The following IGF2BP1 variants were observed in gnomAD, a reference collection of about 807,000 sequenced individuals.
The protein encoded by IGF2BP1 is insulin like growth factor 2 mRNA binding protein 1, also known as insulin-like growth factor 2 mRNA-binding protein 1.
IGF2BP1 carries 11 observed loss-of-function variants against 74.9 expected under a neutral mutation model. That is an observed-to-expected ratio of 0.15 (90% CI 0.09 to 0.24). IGF2BP1 has a LOEUF of 0.24. Among genes scored for constraint, IGF2BP1 ranks in the 10% least tolerant of loss-of-function variants. The probability of loss-of-function intolerance (pLI) is 1.00; values close to 1 mark genes in which losing one functional copy is unlikely to be tolerated. For missense variants in IGF2BP1, 440 were observed against 757.4 expected (o/e 0.58, Z 4.92); for synonymous variants, 287 against 281.8 (o/e 1.02, Z -0.18).
Position 48,997,978 on chromosome 17 carries a change from C to T in IGF2BP1, c.175+58C>T. On this transcript the variant is annotated intron_variant, in intron 1 of 14. Coordinates refer to ENST00000290341, the MANE Select transcript of IGF2BP1 (RefSeq NM_006546.4). The surrounding 1 kb of genome is among the most constrained non-coding windows in gnomAD (Gnocchi z 4.8). Reference sequence around the variant, plus strand: ...AACGAGAGCCCCGAACAACGGAGACCCGCACCTTCCGGTTCCTCTCCCGCC... The same window carrying T: ...AACGAGAGCCCCGAACAACGGAGACTCGCACCTTCCGGTTCCTCTCCCGCC... 1 of 1,561,236 alleles carries T rather than the reference C, an allele frequency of 6.4e-7. No individual in the cohort carries two copies. Among genetic ancestry groups the T allele is most frequent in the Non-Finnish European group, 8.7e-7 (1 of 1,147,638 alleles).
intron 9 of IGF2BP1, 116 bp from the exon 10 acceptor site, chr17:49,043,311 GT>G: frequency 8.8e-7 from 1 of 1,142,162 alleles, no homozygotes; most frequent in Non-Finnish European, 1.3e-6. Flanking sequence ...GGAAAAGTAT[GT>G]AATTCATGTT....
Position 49,038,258 on chromosome 17 carries a change from G to A in IGF2BP1, c.492G>A (p.Glu164=), listed in dbSNP as rs1269645123. 7.5e-6 allele frequency: 12 copies of A among 1,599,252 alleles called. No individual in the cohort carries two copies. Among genetic ancestry groups the A allele is most frequent in the Non-Finnish European group, 8.5e-6 (10 of 1,172,290 alleles). The change falls in exon 6 of 15, where the codon GAG becomes GAA. Residue 164 remains glutamate (E), a synonymous_variant. Transcript: ENST00000290341. The part of the protein sequence containing the change: ...IPDEQIAQGP[E]NGRRGGFGSR... Reference sequence around the variant, plus strand: ...ATGAGCAGATAGCACAGGGACCTGAGAATGGGCGCCGAGGGGGCTTTGGCT... The same window carrying A: ...ATGAGCAGATAGCACAGGGACCTGAAAATGGGCGCCGAGGGGGCTTTGGCT...
At chr17:49,023,803 A>G (rs1458534711) in intron 2 of IGF2BP1, among the ~76,000 whole-genome samples, 1 of 152,204 alleles carries the variant, frequency 6.6e-6, no homozygotes, top group Non-Finnish European at 1.5e-5. Flanking sequence ...GCAATTGGCC[A>G]ATGCATCAAG....
Position 48,997,977 on chromosome 17 carries a change from C to A in IGF2BP1, c.175+57C>A. On this transcript the variant is annotated intron_variant, in intron 1 of 14. Coordinates refer to ENST00000290341, the MANE Select transcript of IGF2BP1 (RefSeq NM_006546.4). This position sits in a 1 kb window ranked among gnomAD's most constrained non-coding sequence, Gnocchi z 4.8. ...CAACGAGAGCCCCGAACAACGGAGACCCGCACCTTCCGGTTCCTCTCCCGC... is the reference window on the plus strand; with the variant it reads ...CAACGAGAGCCCCGAACAACGGAGAACCGCACCTTCCGGTTCCTCTCCCGC... 1 of 1,563,024 alleles carries A rather than the reference C, an allele frequency of 6.4e-7. No homozygotes were observed. The highest frequency in any genetic ancestry group is 8.7e-7 in the Non-Finnish European group (1 of 1,148,714).
chr17:49,004,424 A>G (rs1330298177), intron 2 of IGF2BP1, among the ~76,000 whole-genome samples: 1 of 152,232 alleles, frequency 6.6e-6, no homozygotes, highest in East Asian at 1.9e-4. Context: ...GAAGAGAGGA[A>G]GAGTAGGTAA....
Position 49,011,904 on chromosome 17 carries a change from A to ATTTT in IGF2BP1, c.236+12751_236+12754dup, listed in dbSNP as rs68074534. 1.4e-3 allele frequency among the ~76,000 whole-genome samples: 171 copies of ATTTT among 124,616 alleles called. 1 individual carries two copies. In the Middle Eastern group the frequency reaches 0.018, roughly 13 times the overall value. The allele number at this position is 124,616 out of a possible 152,430, so 81.8% of individuals were successfully genotyped here. The stretch of plus-strand genomic sequence containing the variant: ...TATCTTGAGTGGTTGAAGAAAATTG[A>ATTTT]TTTTTTTTTTTTTTTTTTTGGGAGA... On this transcript the variant is annotated intron_variant, in intron 2 of 14. Transcript: ENST00000290341.
chr17:49,022,701 T>C (rs1158031164), intron 2 of IGF2BP1, among the ~76,000 whole-genome samples: 1 of 152,170 alleles, frequency 6.6e-6, no homozygotes, highest in Non-Finnish European at 1.5e-5. Flanking sequence ...GAGATTTGAT[T>C]TCACCACTGC....
intron 6 of IGF2BP1, 112 bp downstream of exon 6, chr17:49,038,561 T>G: frequency 1.7e-6 from 2 of 1,162,984 alleles, no homozygotes; most frequent in South Asian, 4.8e-5. Context: ...TTTTAGGAAA[T>G]GTTGCCTGGA....
intron 3 of IGF2BP1, among the ~76,000 whole-genome samples, 196 bp downstream of exon 3, chr17:49,025,862 T>G (rs983450644): frequency 8.3e-5 from 7 of 84,614 alleles, no homozygotes; most frequent in African/African-American, 2.6e-4. Flanking sequence ...TCTTTCTTTT[T>G]TTTTTTTTTT....
intron 4 of IGF2BP1, among the ~76,000 whole-genome samples, chr17:49,027,324 A>T (rs1273400737): frequency 6.6e-6 from 1 of 152,120 alleles, no homozygotes; most frequent in Non-Finnish European, 1.5e-5. Flanking sequence ...CTTGCATTCA[A>T]TCGGAGTTAC....
Position 49,019,949 on chromosome 17 carries a change from TTTATATACAC to T in IGF2BP1, c.237-5668_237-5659del, listed in dbSNP as rs1439546024. Among the ~76,000 whole-genome samples the T allele has an allele frequency of 1.7e-3, 61 of 35,334 alleles. 2 individuals are homozygous for T. Among genetic ancestry groups the T allele is most frequent in the Middle Eastern group, 0.013 (1 of 78 alleles). The allele number at this position is 35,334 out of a possible 152,430, so 23.2% of individuals were successfully genotyped here. A position where few individuals can be genotyped will look rare whatever the true frequency, so the allele number is the denominator to read the frequency against. On this transcript the variant is annotated intron_variant, in intron 2 of 14. Transcript: ENST00000290341. The stretch of plus-strand genomic sequence containing the variant: ...ATATATATATATATATATATATATA[TTTATATACAC>T]ACACACACACACACACATACACCCA...
chr17:49,017,238 C>A (rs1598134124), intron 2 of IGF2BP1, among the ~76,000 whole-genome samples: 1 of 152,184 alleles, frequency 6.6e-6, no homozygotes, highest in African/African-American at 2.4e-5. Context: ...GTGAGCAGCT[C>A]TCCCTCACTC....
intron 2 of IGF2BP1, among the ~76,000 whole-genome samples, chr17:49,019,930 A>T (rs1404769479): frequency 1.6e-5 from 1 of 64,164 alleles, no homozygotes; most frequent in African/African-American, 8.4e-5. Context: ...ATATATATAT[A>T]TATATATATA....
Position 49,049,511 on chromosome 17 carries a change from G to T in IGF2BP1, c.*67G>T. ...CAGAAATCGAGAGTGTGCTCTCCCC[G>T]GCAGGCCTGAGAATGAGTGGGAATC... On this transcript the variant is annotated 3_prime_UTR_variant, in exon 15 of 15. Coordinates refer to ENST00000290341, the MANE Select transcript of IGF2BP1 (RefSeq NM_006546.4). 1 of 1,389,708 alleles carries T rather than the reference G, an allele frequency of 7.2e-7. No homozygotes were observed. The highest frequency in any genetic ancestry group is 1.0e-6 in the Non-Finnish European group (1 of 989,410). 86.1% of individuals were successfully genotyped at this position (1,389,708 alleles called of 1,614,324 possible).
At chr17:49,044,560 G>GAT (rs1344948361) in intron 11 of IGF2BP1, among the ~76,000 whole-genome samples, 1 of 152,238 alleles carries the variant, frequency 6.6e-6, no homozygotes, top group Non-Finnish European at 1.5e-5. Context: ...GTGAAACAAG[G>GAT]ATGCTGTTAG....
intron 14 of IGF2BP1, among the ~76,000 whole-genome samples, chr17:49,048,663 C>A (rs1706740506): frequency 6.6e-6 from 1 of 152,134 alleles, no homozygotes; most frequent in Non-Finnish European, 1.5e-5. Context: ...AAACCCCGGG[C>A]CACGGACTGG....
chr17:49,003,515 G>A lies in IGF2BP1; in HGVS notation c.236+4346G>A, dbSNP rs951019694. Among the ~76,000 whole-genome samples the A allele has an allele frequency of 3.3e-5, 5 of 152,194 alleles. No homozygotes were observed. In the East Asian group the frequency reaches 5.8e-4, roughly 18 times the overall value. ...GTTGATTTTTGTGTGTGGGGTGGTA[G>A]TGGTGGTGATGGGGTTGTTAGAATA... is the stretch of plus-strand genomic sequence containing the variant. On this transcript the variant is annotated intron_variant, in intron 2 of 14. Coordinates refer to ENST00000290341, the MANE Select transcript of IGF2BP1 (RefSeq NM_006546.4).
intron 2 of IGF2BP1, among the ~76,000 whole-genome samples, chr17:49,013,389 A>G (rs1298148883): frequency 1.3e-5 from 2 of 152,038 alleles, no homozygotes; most frequent in African/African-American, 4.8e-5. Context: ...CCCAGGCCTT[A>G]GTTCCTGGCC....
At chr17:49,038,806 T>C (rs1186691183) in intron 6 of IGF2BP1, among the ~76,000 whole-genome samples, 1 of 151,994 alleles carries the variant, frequency 6.6e-6, no homozygotes, top group Non-Finnish European at 1.5e-5. Context: ...CTGGCCAACC[T>C]GTCCAAAATT....
Sources: gnomAD v4.1 joint callset for allele counts (sites outside exome capture counted in the v4.1 genomes callset) on GRCh38, gnomAD v4.1.1 for gene constraint, Gnocchi (gnomAD v3.1) non-coding constraint, MANE v1.5 for transcripts, NCBI Gene and HGNC (gene_info 2026-07-23, HGNC 2026-07-21) for gene names.